PTPRD: variants seen among roughly 807,000 people sequenced by gnomAD.
PTPRD encodes the protein protein tyrosine phosphatase receptor type D, also known as receptor-type tyrosine-protein phosphatase delta.
Under a neutral mutation model 214.5 loss-of-function variants are expected in PTPRD, and 34 were observed. That is an observed-to-expected ratio of 0.16 (90% confidence interval 0.12 to 0.21). The LOEUF is 0.21. Ranked by LOEUF, PTPRD falls within the 10% of genes least tolerant of loss-of-function variation. The pLI, the probability that PTPRD is intolerant of heterozygous loss-of-function variation, is 1.00. For missense variants in PTPRD, 2,545 were observed against 2,398.7 expected, an observed-to-expected ratio of 1.06 and a Z score of -1.27; for synonymous variants, 1,128 against 845.7, an observed-to-expected ratio of 1.33 and a Z score of -5.79.
In PTPRD at chr9:9,072,375, G is replaced by C. The variant is rs575089128; in HGVS notation, c.-142-53640C>G. On this transcript the variant is annotated intron_variant, in intron 10 of 45. Transcript: ENST00000381196. Reference sequence around the variant, plus strand: ...CCAGAATAAACAGAGCATTGTCACAGATTGCTACCAGACTATACACAATGT... The same window carrying C: ...CCAGAATAAACAGAGCATTGTCACACATTGCTACCAGACTATACACAATGT... Among the ~76,000 whole-genome samples, 3 of 151,262 alleles carry C rather than the reference G, an allele frequency of 2.0e-5. No individual in the cohort carries two copies. The East Asian group carries it at 5.9e-4, about 30-fold the overall frequency.
intron 5 of PTPRD, among the ~76,000 whole-genome samples, chr9:9,930,088 T>C (rs1053488612): frequency 5.3e-5 from 8 of 152,176 alleles, no homozygotes; most frequent in Non-Finnish European, 8.8e-5. Context: ...GCTATAGGAA[T>C]ACACTACTTA....
chr9:10,004,516 G>C (rs1010465929), intron 4 of PTPRD, among the ~76,000 whole-genome samples: 1 of 151,670 alleles, frequency 6.6e-6, no homozygotes, highest in Non-Finnish European at 1.5e-5. Context: ...CCGGTCAAGA[G>C]AATAGGTATA....
intron 8 of PTPRD, among the ~76,000 whole-genome samples, chr9:9,522,191 T>C (rs1372116941): frequency 6.7e-6 from 1 of 148,468 alleles, no homozygotes; most frequent in Non-Finnish European, 1.5e-5. Context: ...CTTAAATCAG[T>C]CTATAATTTT....
rs61329421 is a variant in PTPRD, at chr9:10,492,318, TC to T, written c.-600+120079del. ...TTCCACAATGGTTGAACTAATTTAC[TC>T]CCCCCACCAACAGTGTAAAAGTGTT... On this transcript the variant is annotated intron_variant, in intron 2 of 45. Coordinates refer to ENST00000381196, the MANE Select transcript of PTPRD (RefSeq NM_002839.4). 5.8e-3 allele frequency among the ~76,000 whole-genome samples: 874 copies of T among 151,928 alleles called. 6 individuals are homozygous for T. Among genetic ancestry groups the T allele is most frequent in the African/African-American group, 0.02 (843 of 41,474 alleles).
chr9:9,063,536 T>C lies in PTPRD; in HGVS notation c.-142-44801A>G, dbSNP rs371407672. 6.9e-4 allele frequency among the ~76,000 whole-genome samples: 105 copies of C among 152,304 alleles called. 4 individuals are homozygous for C. In the South Asian group the frequency reaches 0.022, roughly 32 times the overall value. On this transcript the variant is annotated intron_variant, in intron 10 of 45. Coordinates refer to ENST00000381196, the MANE Select transcript of PTPRD (RefSeq NM_002839.4). ...TCCAACTCACTATAATCTGTAATTT[T>C]ATTTTCATTTTAAAAAACATTTTCT...
chr9:10,245,274 C>T (rs958970060), intron 3 of PTPRD, among the ~76,000 whole-genome samples: 37 of 152,112 alleles, frequency 2.4e-4, no homozygotes, highest in African/African-American at 8.4e-4. Context: ...ATATAATCAA[C>T]ATATATTCCT....
chr9:10,189,981 G>T (rs1176137802), intron 3 of PTPRD, among the ~76,000 whole-genome samples: 1 of 152,070 alleles, frequency 6.6e-6, no homozygotes, highest in Non-Finnish European at 1.5e-5. Context: ...GGAGGTAAGA[G>T]ATAAAAAGAG....
intron 39 of PTPRD, among the ~76,000 whole-genome samples, chr9:8,353,531 C>G (rs939518489): frequency 6.6e-6 from 1 of 152,134 alleles, no homozygotes; most frequent in African/African-American, 2.4e-5. Context: ...TTCCTGGGTT[C>G]AAGTGATTCT....
chr9:8,431,813 G>A (rs539605650), intron 35 of PTPRD, among the ~76,000 whole-genome samples: 16 of 152,298 alleles, frequency 1.1e-4, no homozygotes, highest in Admixed American at 7.2e-4. Context: ...TCTCTGCCAG[G>A]TTTTGGTATC....
In PTPRD at chr9:8,993,045, G is replaced by A. The variant is rs1192544730; in HGVS notation, c.-104+25652C>T. 2.0e-5 allele frequency among the ~76,000 whole-genome samples: 3 copies of A among 152,088 alleles called. 1 individual carries two copies. Among genetic ancestry groups the A allele is most frequent in the Non-Finnish European group, 1.5e-5 (1 of 68,004 alleles). ...ATTCTCTTGACTAACTACCAAAGAT[G>A]GCTACAGTTGATCAAATAGTGTTAC... On this transcript the variant is annotated intron_variant, in intron 11 of 45. Transcript: ENST00000381196.
intron 5 of PTPRD, among the ~76,000 whole-genome samples, chr9:9,912,395 A>C (rs1015240808): frequency 6.6e-6 from 1 of 152,132 alleles, no homozygotes; most frequent in Non-Finnish European, 1.5e-5. Flanking sequence ...TCAAATGCCA[A>C]CTTTGATTAT....
At chr9:10,243,925 CAA>C (rs1285358917) in intron 3 of PTPRD, among the ~76,000 whole-genome samples, 1 of 151,864 alleles carries the variant, frequency 6.6e-6, no homozygotes, top group Non-Finnish European at 1.5e-5. Flanking sequence ...AGATTTACAT[CAA>C]AGTTTGATCA....
intron 8 of PTPRD, among the ~76,000 whole-genome samples, chr9:9,500,327 G>A (rs1278520666): frequency 2.0e-5 from 3 of 152,058 alleles, no homozygotes; most frequent in South Asian, 2.1e-4. Flanking sequence ...GGCACTGGAC[G>A]ATATGCATTC....
intron 11 of PTPRD, among the ~76,000 whole-genome samples, chr9:8,987,085 A>C (rs1030660718): frequency 1.3e-5 from 2 of 152,174 alleles, no homozygotes; most frequent in Non-Finnish European, 2.9e-5. Context: ...CATCACTGGA[A>C]TTCATCCACC....
At chr9:9,927,049 G>A (rs781759765) in intron 5 of PTPRD, among the ~76,000 whole-genome samples, 1 of 152,084 alleles carries the variant, frequency 6.6e-6, no homozygotes, top group Non-Finnish European at 1.5e-5. Flanking sequence ...TGCCTTAGGA[G>A]ATTAATTTTG....
In PTPRD at chr9:10,574,307, G is replaced by T. The variant is rs557498185; in HGVS notation, c.-600+38091C>A. ...TAACAGTTTCAAGTTTGTCATTACA[G>T]AGATTCTATCCAGGTTGTCAGGAAA... On this transcript the variant is annotated intron_variant, in intron 2 of 45. Coordinates refer to ENST00000381196, the MANE Select transcript of PTPRD (RefSeq NM_002839.4). Among the ~76,000 whole-genome samples, 4 of 152,108 alleles carry T rather than the reference G, an allele frequency of 2.6e-5. No homozygotes were observed. The East Asian group carries it at 7.7e-4, about 29-fold the overall frequency.
At chr9:10,028,221 T>C (rs2154127673) in intron 4 of PTPRD, among the ~76,000 whole-genome samples, 1 of 152,358 alleles carries the variant, frequency 6.6e-6, no homozygotes, top group South Asian at 2.1e-4. Flanking sequence ...TTTCACCTTC[T>C]GCCATGATCG....
chr9:9,739,908 T>C (rs2098373464), intron 6 of PTPRD, among the ~76,000 whole-genome samples: 1 of 152,138 alleles, frequency 6.6e-6, no homozygotes, highest in Admixed American at 6.5e-5. Flanking sequence ...TATTCATTTC[T>C]AAATATTTTC....
At chr9:8,791,688 G>C (rs1482170785) in intron 11 of PTPRD, among the ~76,000 whole-genome samples, 1 of 151,850 alleles carries the variant, frequency 6.6e-6, no homozygotes, top group Admixed American at 6.6e-5. Flanking sequence ...AGGGTTTGTG[G>C]ACTGAACATG....
Sources: allele counts gnomAD v4.1 joint callset (sites outside exome capture counted in the v4.1 genomes callset), GRCh38; gene constraint gnomAD v4.1.1; transcripts MANE v1.5; gene names NCBI Gene and HGNC (gene_info 2026-07-23, HGNC 2026-07-21).